LRRTM4: variants seen among roughly 807,000 people sequenced by gnomAD.
The protein encoded by LRRTM4 is leucine-rich repeat transmembrane neuronal protein 4.
In LRRTM4, 25 loss-of-function variants were observed where a neutral mutation model predicts 47.6. The observed-to-expected ratio is 0.53, with a 90% CI of 0.38 to 0.73. LRRTM4 has a LOEUF of 0.73. Among genes scored for constraint, LRRTM4 ranks in the 30% least tolerant of loss-of-function variants. The pLI, the probability that LRRTM4 is intolerant of heterozygous loss-of-function variation, is 0.00. For missense variants in LRRTM4, 638 were observed against 713.4 expected (o/e 0.89, Z 1.20); for synonymous variants, 311 against 269.5 (o/e 1.15, Z -1.51).
intron 3 of LRRTM4, among the ~76,000 whole-genome samples, chr2:77,237,845 A>G (rs1675146910): frequency 6.6e-6 from 1 of 152,184 alleles, no homozygotes; most frequent in Admixed American, 6.5e-5. Context: ...TCAGGGCACA[A>G]GTAAAGACCC....
intron 3 of LRRTM4, among the ~76,000 whole-genome samples, chr2:76,860,888 A>G (rs1362271334): frequency 6.6e-6 from 1 of 150,940 alleles, no homozygotes; most frequent in East Asian, 1.9e-4. Context: ...TATATTGTAA[A>G]ATTAAAAAAA....
chr2:77,188,519 C>T (rs1673576172), intron 3 of LRRTM4, among the ~76,000 whole-genome samples: 1 of 152,104 alleles, frequency 6.6e-6, no homozygotes, highest in African/African-American at 2.4e-5. Context: ...ATGTATATTT[C>T]TGTTGCAGCC....
intron 3 of LRRTM4, among the ~76,000 whole-genome samples, chr2:76,914,010 GAT>G (rs1219756381): frequency 4.0e-5 from 6 of 151,546 alleles, no homozygotes; most frequent in African/African-American, 1.5e-4. Context: ...TACAATTAAA[GAT>G]ATAAAATTTA....
chr2:76,965,087 T>C (rs942851358), intron 3 of LRRTM4, among the ~76,000 whole-genome samples: 2 of 151,264 alleles, frequency 1.3e-5, no homozygotes, highest in East Asian at 3.9e-4. Context: ...CTGGTCCAGA[T>C]AGTTTCATTG....
At chr2:77,395,321 T>G (rs1673661053) in intron 3 of LRRTM4, among the ~76,000 whole-genome samples, 1 of 152,002 alleles carries the variant, frequency 6.6e-6, no homozygotes, top group Admixed American at 6.6e-5. Context: ...CTTAGGATTT[T>G]AATTTTAGTC....
intron 3 of LRRTM4, among the ~76,000 whole-genome samples, chr2:77,392,250 A>T (rs1284732500): frequency 6.6e-6 from 1 of 152,012 alleles, no homozygotes; most frequent in Non-Finnish European, 1.5e-5. Context: ...GCCAATAAGA[A>T]AATCTTTAAA....
intron 3 of LRRTM4, among the ~76,000 whole-genome samples, chr2:77,267,321 T>C (rs1325873611): frequency 6.6e-6 from 1 of 152,212 alleles, no homozygotes; most frequent in Non-Finnish European, 1.5e-5. Flanking sequence ...TTTCTCATGG[T>C]TCCGGAGGCC....
chr2:77,421,685 CGGCAGAGG>C (rs1674896776), intron 3 of LRRTM4, among the ~76,000 whole-genome samples: 1 of 150,780 alleles, frequency 6.6e-6, no homozygotes, highest in African/African-American at 2.5e-5. Flanking sequence ...CCAGCCTGGG[CGGCAGAGG>C]GAGACTCCAT....
intron 3 of LRRTM4, among the ~76,000 whole-genome samples, chr2:76,807,847 C>T (rs893856319): frequency 2.6e-5 from 4 of 152,076 alleles, no homozygotes; most frequent in Middle Eastern, 3.4e-3. Flanking sequence ...TCCCAAAGTG[C>T]TGGGATTACA....
At chr2:76,933,394 C>A (rs763674356) in intron 3 of LRRTM4, among the ~76,000 whole-genome samples, 1 of 151,950 alleles carries the variant, frequency 6.6e-6, no homozygotes, top group Non-Finnish European at 1.5e-5. Context: ...CAAATACCTG[C>A]TTGCCTGCAG....
chr2:76,775,225 G>A (rs1278332438), intron 3 of LRRTM4, among the ~76,000 whole-genome samples: 4 of 152,144 alleles, frequency 2.6e-5, no homozygotes, highest in Non-Finnish European at 5.9e-5. Context: ...TCTGTAAGTA[G>A]CATGACATTT....
chr2:77,225,099 C>T (rs1293347844), intron 3 of LRRTM4, among the ~76,000 whole-genome samples: 2 of 150,626 alleles, frequency 1.3e-5, no homozygotes, highest in Non-Finnish European at 2.9e-5. Flanking sequence ...TCATTCTCAG[C>T]AAACTATCAC....
chr2:76,928,767 T>G (rs1573326328), intron 3 of LRRTM4, among the ~76,000 whole-genome samples: 1 of 152,268 alleles, frequency 6.6e-6, no homozygotes, highest in Non-Finnish European at 1.5e-5. Context: ...CTTGTCAAGT[T>G]TGCTACATAA....
chr2:77,003,965 C>T (rs115141211), intron 3 of LRRTM4, among the ~76,000 whole-genome samples: 1,851 of 152,252 alleles, frequency 0.012, 40 homozygotes, highest in African/African-American at 0.042. Context: ...GGTCACTCTT[C>T]CTATGCAAAG....
intron 3 of LRRTM4, among the ~76,000 whole-genome samples, chr2:77,368,704 G>A (rs1376911105): frequency 1.3e-5 from 2 of 151,768 alleles, no homozygotes; most frequent in Non-Finnish European, 2.9e-5. Context: ...CTCTTGGTTA[G>A]TTACAGTCTT....
At chr2:77,192,865 A>T (rs1673709605) in intron 3 of LRRTM4, among the ~76,000 whole-genome samples, 1 of 152,218 alleles carries the variant, frequency 6.6e-6, no homozygotes, top group Non-Finnish European at 1.5e-5. Flanking sequence ...CACTATTAGC[A>T]CAGTAGCACA....
chr2:77,206,200 A>G (rs2103910736), intron 3 of LRRTM4, among the ~76,000 whole-genome samples: 1 of 147,846 alleles, frequency 6.8e-6, no homozygotes, highest in South Asian at 2.2e-4. Flanking sequence ...TTTTTTTGAA[A>G]CAGGGTCTCA....
chr2:77,010,655 A>T (rs776797515), intron 3 of LRRTM4, among the ~76,000 whole-genome samples: 24 of 152,008 alleles, frequency 1.6e-4, no homozygotes, highest in Non-Finnish European at 2.6e-4. Flanking sequence ...TGACATTCTG[A>T]TTTCATATGA....
chr2:76,775,831 T>G (rs1057161371), intron 3 of LRRTM4, among the ~76,000 whole-genome samples: 1 of 152,156 alleles, frequency 6.6e-6, no homozygotes, highest in Non-Finnish European at 1.5e-5. Flanking sequence ...TATGTATACA[T>G]GTGCCATGCT....
Sources: allele counts gnomAD v4.1 joint callset (sites outside exome capture counted in the v4.1 genomes callset), GRCh38; gene constraint gnomAD v4.1.1; transcripts MANE v1.5; gene names NCBI Gene and HGNC (gene_info 2026-07-23, HGNC 2026-07-21).